The following DCT variants were observed in gnomAD, a reference collection of about 807,000 sequenced individuals.
The protein encoded by DCT is L-dopachrome tautomerase.
In DCT, 47 loss-of-function variants were observed where a neutral mutation model predicts 53.0. That is an observed-to-expected ratio of 0.89 (90% confidence interval 0.70 to 1.13). The LOEUF is 1.13. DCT is among the 50% of genes most tolerant of loss of function. The pLI is 0.00. For synonymous variants in DCT, 244 were observed against 237.0 expected (o/e 1.03, Z -0.27); for missense variants, 669 against 637.4 (o/e 1.05, Z -0.53).
At chr13:94,440,549 AGAT>A (rs987457393) in intron 7 of DCT, among the ~76,000 whole-genome samples, 8 of 152,104 alleles carry the variant, frequency 5.3e-5, no homozygotes, top group African/African-American at 1.9e-4. Flanking sequence ...ATAACCAAGC[AGAT>A]GATATTTATA....
chr13:94,467,726 G>A (rs944416836), intron 2 of DCT: 2 of 152,180 alleles, frequency 1.3e-5, no homozygotes, highest in African/African-American at 4.8e-5. Context: ...CAACGAGAGG[G>A]TATCAATTGA....
At chr13:94,471,458 T>C (rs1454079285) in intron 1 of DCT, among the ~76,000 whole-genome samples, 1 of 152,194 alleles carries the variant, frequency 6.6e-6, no homozygotes, top group Non-Finnish European at 1.5e-5. Context: ...AAGTTAAACA[T>C]TAAAATGTAC....
At chr13:94,455,313 T>C (rs758145003) in intron 6 of DCT, among the ~76,000 whole-genome samples, 29 of 151,212 alleles carry the variant, frequency 1.9e-4, no homozygotes, top group Non-Finnish European at 3.4e-4. Flanking sequence ...GCCCAGAAGT[T>C]TGAGGCTGCC....
chr13:94,450,201 T>C (rs1190505896), intron 6 of DCT, among the ~76,000 whole-genome samples: 1 of 152,138 alleles, frequency 6.6e-6, no homozygotes, highest in Non-Finnish European at 1.5e-5. Flanking sequence ...GCTAATGCCT[T>C]GATCTTCAAC....
At chr13:94,468,605 TA>T (rs1323269506) in intron 2 of DCT, 140 bp downstream of exon 2, 99 of 757,108 alleles carry the variant, frequency 1.3e-4, no homozygotes, top group Middle Eastern at 4.8e-4. Context: ...CGGTATTTGA[TA>T]ATTCTACGAC....
chr13:94,530,708 C>T, the DCT span, among the ~76,000 whole-genome samples: 211 of 138,416 alleles, frequency 1.5e-3, 5 homozygotes, highest in East Asian at 0.044. Flanking sequence ...AAACTGGAAG[C>T]ATTCCCTTTG....
In DCT at chr13:94,479,119, G is replaced by A. The variant is rs1885303731; in HGVS notation, c.137C>T (p.Ala46Val). ...AGAGCCACAGACATTGGCCGACTCT[G>A]CACCCAGGCGTGGGCAGCACTCCTT... Reference protein sequence around the residue: ...VNKECCPRLGAESANVCGSQQ... With the variant: ...VNKECCPRLGVESANVCGSQQ... Residue 46 changes from alanine to valine, a missense_variant, in exon 1 of 8, where the codon GCA (alanine) becomes GTA (valine). Coordinates refer to ENST00000377028, the MANE Select transcript of DCT (RefSeq NM_001922.5). 1.2e-6 allele frequency: 2 copies of A among 1,614,076 alleles called. No individual in the cohort carries two copies. The highest frequency in any genetic ancestry group is 1.1e-5 in the South Asian group (1 of 91,088).
the DCT span, among the ~76,000 whole-genome samples, chr13:94,518,958 T>A: frequency 6.6e-6 from 1 of 152,142 alleles, no homozygotes; most frequent in Non-Finnish European, 1.5e-5. Context: ...ACCAAGTTCT[T>A]TCCAGCCCCA....
chr13:94,501,868 A>T, the DCT span, among the ~76,000 whole-genome samples: 1 of 152,154 alleles, frequency 6.6e-6, no homozygotes, highest in Non-Finnish European at 1.5e-5. Context: ...GAAAGTCCTC[A>T]TGTTTCAGCT....
intron 6 of DCT, among the ~76,000 whole-genome samples, chr13:94,447,856 TA>T: frequency 6.6e-6 from 1 of 152,250 alleles, no homozygotes; most frequent in East Asian, 1.9e-4. Context: ...GGCAAGATCC[TA>T]AGGCAATTAG....
At chr13:94,465,492 C>T in intron 4 of DCT, 141 bp downstream of exon 4, 2 of 623,260 alleles carry the variant, frequency 3.2e-6, no homozygotes, top group Non-Finnish European at 4.9e-6. Flanking sequence ...ATCCCACCTC[C>T]CAGAGGAAAA....
chr13:94,542,009 G>C, the DCT span, among the ~76,000 whole-genome samples: 1 of 152,236 alleles, frequency 6.6e-6, no homozygotes, highest in East Asian at 1.9e-4. Context: ...CATTTTCTAG[G>C]TAATTTTATG....
chr13:94,524,151 G>A, the DCT span, among the ~76,000 whole-genome samples: 1 of 152,004 alleles, frequency 6.6e-6, no homozygotes, highest in Non-Finnish European at 1.5e-5. Context: ...CTATGACCGG[G>A]GTGTAGAAGG....
At chr13:94,462,540 C>T (rs1467379438) in intron 4 of DCT, among the ~76,000 whole-genome samples, 3 of 151,676 alleles carry the variant, frequency 2.0e-5, no homozygotes, top group South Asian at 2.1e-4. Context: ...AATGATATGT[C>T]TTAACTTATG....
chr13:94,504,550 G>C, the DCT span, among the ~76,000 whole-genome samples: 1 of 152,016 alleles, frequency 6.6e-6, no homozygotes, highest in East Asian at 1.9e-4. Flanking sequence ...TGTATTTTTA[G>C]TAGAGATGGG....
At chr13:94,449,214 C>T (rs1882931312) in intron 6 of DCT, among the ~76,000 whole-genome samples, 1 of 152,082 alleles carries the variant, frequency 6.6e-6, no homozygotes, top group African/African-American at 2.4e-5. Context: ...ACAAATATTG[C>T]ACCTGCAGGC....
chr13:94,516,864 T>C, the DCT span, among the ~76,000 whole-genome samples: 1 of 152,128 alleles, frequency 6.6e-6, no homozygotes, highest in African/African-American at 2.4e-5. Flanking sequence ...CTTTTCTTTA[T>C]AAATTACCCA....
the DCT span, among the ~76,000 whole-genome samples, chr13:94,487,407 TAAG>T: frequency 6.6e-6 from 1 of 152,238 alleles, no homozygotes; most frequent in Non-Finnish European, 1.5e-5. Flanking sequence ...AACTTGCACA[TAAG>T]AAGGACTCAA....
intron 1 of DCT, 73 bp from the exon 2 acceptor site, chr13:94,469,118 C>G (rs1414323133): frequency 3.1e-6 from 4 of 1,302,506 alleles, no homozygotes; most frequent in Non-Finnish European, 4.4e-6. Context: ...AATTTGTACT[C>G]TGAAATTTGA....
Sources: gnomAD v4.1 joint callset for allele counts (sites outside exome capture counted in the v4.1 genomes callset) on GRCh38, gnomAD v4.1.1 for gene constraint, MANE v1.5 for transcripts, NCBI Gene and HGNC (gene_info 2026-07-23, HGNC 2026-07-21) for gene names.